The following RCAN1 variants were observed in gnomAD, a reference collection of about 807,000 sequenced individuals.
RCAN1 encodes regulator of calcineurin 1, also known as calcipressin-1.
RCAN1 carries 11 observed loss-of-function variants against 22.9 expected under a neutral mutation model. The ratio of observed to expected loss-of-function variants is 0.48; its 90% CI spans 0.30 to 0.79. The LOEUF (loss-of-function observed/expected upper bound fraction) is 0.79, where lower values mean the gene tolerates loss of function less well. RCAN1 is among the 30% of genes least tolerant of loss of function. The pLI is 0.06. For synonymous variants in RCAN1, 136 were observed against 142.3 expected, an observed-to-expected ratio of 0.96 and a Z score of 0.32; for missense variants, 291 against 337.8, an observed-to-expected ratio of 0.86 and a Z score of 1.09.
intron 1 of RCAN1, among the ~76,000 whole-genome samples, chr21:34,568,759 A>G (rs921394341): frequency 6.6e-6 from 1 of 152,142 alleles, no homozygotes; most frequent in Admixed American, 6.5e-5. Context: ...GTCTGATTTC[A>G]TTTCATCCCT....
At chr21:34,537,272 G>A (rs923703127) in intron 1 of RCAN1, among the ~76,000 whole-genome samples, 1 of 152,250 alleles carries the variant, frequency 6.6e-6, no homozygotes, top group Non-Finnish European at 1.5e-5. Context: ...TGACTAAAAT[G>A]TGGGCACACA....
chr21:34,588,882 T>C (rs777823663), intron 1 of RCAN1, among the ~76,000 whole-genome samples: 1 of 152,204 alleles, frequency 6.6e-6, no homozygotes, highest in Non-Finnish European at 1.5e-5. Context: ...ATGTACAATA[T>C]AGATGAACCT....
chr21:34,548,076 C>T (rs903201382), intron 1 of RCAN1, among the ~76,000 whole-genome samples: 1 of 152,196 alleles, frequency 6.6e-6, no homozygotes, highest in Non-Finnish European at 1.5e-5. Flanking sequence ...GACTTCTCAA[C>T]ATCCAGAACT....
chr21:34,563,518 G>C (rs889095214), intron 1 of RCAN1, among the ~76,000 whole-genome samples: 7 of 151,966 alleles, frequency 4.6e-5, no homozygotes, highest in Non-Finnish European at 8.8e-5. Flanking sequence ...CCAAGGGCAG[G>C]GAAGCATGAA....
At chr21:34,520,343 T>C (rs770249332) in intron 3 of RCAN1, among the ~76,000 whole-genome samples, 6 of 152,120 alleles carry the variant, frequency 3.9e-5, no homozygotes, top group Non-Finnish European at 8.8e-5. Flanking sequence ...AGGGGAAGAC[T>C]CCACACCCTC....
At chr21:34,603,842 T>A (rs1466583670) in intron 1 of RCAN1, among the ~76,000 whole-genome samples, 1 of 152,216 alleles carries the variant, frequency 6.6e-6, no homozygotes, top group African/African-American at 2.4e-5. Flanking sequence ...ATTGTAAGTA[T>A]AATTGATTGT....
chr21:34,540,292 T>A (rs1985854622), intron 1 of RCAN1, among the ~76,000 whole-genome samples: 1 of 152,188 alleles, frequency 6.6e-6, no homozygotes, highest in Admixed American at 6.5e-5. Context: ...AGGCAGTAAG[T>A]CAGTTACAGG....
Position 34,570,977 on chromosome 21 carries a change from A to G in RCAN1, c.252+43783T>C, listed in dbSNP as rs369162713. Among the ~76,000 whole-genome samples the G allele has an allele frequency of 3.3e-5, 5 of 152,178 alleles. No individual in the cohort carries two copies. In the East Asian group the frequency reaches 9.6e-4, roughly 29 times the overall value. On this transcript the variant is annotated intron_variant, in intron 1 of 3. Coordinates refer to ENST00000313806, the MANE Select transcript of RCAN1 (RefSeq NM_004414.7). ...AGAAGAGTAAAAAGGATCTGTTCTT[A>G]GAGGGGAGTTCCTTTATAAACAAAT...
intron 1 of RCAN1, among the ~76,000 whole-genome samples, chr21:34,561,846 C>T (rs997521704): frequency 7.9e-5 from 12 of 152,120 alleles, no homozygotes; most frequent in Non-Finnish European, 1.3e-4. Flanking sequence ...CAGCTGAGGA[C>T]AGCTGGAGCA....
At chr21:34,536,514 A>G (rs1300758444) in intron 1 of RCAN1, among the ~76,000 whole-genome samples, 1 of 152,184 alleles carries the variant, frequency 6.6e-6, no homozygotes, top group East Asian at 1.9e-4. Flanking sequence ...ATTCTCAACA[A>G]GTCAGTCCTT....
chr21:34,541,529 AT>A (rs1463537578), intron 1 of RCAN1, among the ~76,000 whole-genome samples: 1 of 152,212 alleles, frequency 6.6e-6, no homozygotes, highest in African/African-American at 2.4e-5. Context: ...TTTTGAACAA[AT>A]TTGATGGCTT....
At chr21:34,533,773 C>T (rs1985542161) in intron 1 of RCAN1, among the ~76,000 whole-genome samples, 1 of 152,188 alleles carries the variant, frequency 6.6e-6, no homozygotes, top group Admixed American at 6.5e-5. Context: ...CAAGCCCGGC[C>T]AGGGAAGGCA....
At chr21:34,543,025 A>C (rs989625072) in intron 1 of RCAN1, among the ~76,000 whole-genome samples, 1 of 152,234 alleles carries the variant, frequency 6.6e-6, no homozygotes, top group African/African-American at 2.4e-5. Flanking sequence ...TAAAGAGGAT[A>C]ATCACAGGAC....
chr21:34,578,639 AG>A (rs1184212466), intron 1 of RCAN1, among the ~76,000 whole-genome samples: 6 of 152,122 alleles, frequency 3.9e-5, no homozygotes, highest in African/African-American at 1.4e-4. Flanking sequence ...CTGCCCAGGG[AG>A]GAAGAGAGGC....
chr21:34,559,994 G>A (rs1420147701), intron 1 of RCAN1: 1 of 152,146 alleles, frequency 6.6e-6, no homozygotes, highest in South Asian at 2.1e-4. Context: ...ATTACTTAAC[G>A]AGAGCAATGG....
chr21:34,520,235 A>G (rs958396685), intron 3 of RCAN1, among the ~76,000 whole-genome samples: 1 of 152,230 alleles, frequency 6.6e-6, no homozygotes, highest in African/African-American at 2.4e-5. Flanking sequence ...GAAGTGGTAT[A>G]TTCTGGAGTA....
intron 1 of RCAN1, among the ~76,000 whole-genome samples, chr21:34,595,652 G>T (rs1204425343): frequency 2.6e-5 from 4 of 152,182 alleles, no homozygotes; most frequent in Non-Finnish European, 4.4e-5. Context: ...GGAAGGCCAG[G>T]GTCCTTGTCC....
At chr21:34,613,322 C>G (rs906962813) in intron 1 of RCAN1, among the ~76,000 whole-genome samples, 9 of 152,200 alleles carry the variant, frequency 5.9e-5, no homozygotes, top group African/African-American at 1.7e-4. Flanking sequence ...TTGCTTGTTT[C>G]CCTTCCAAAA....
chr21:34,544,012 A>G (rs370729631), intron 1 of RCAN1, among the ~76,000 whole-genome samples: 102 of 152,326 alleles, frequency 6.7e-4, no homozygotes, highest in Middle Eastern at 3.4e-3. Flanking sequence ...CTCATTTGCA[A>G]TTTGGGAACA....
Sources: gnomAD v4.1 joint callset for allele counts (sites outside exome capture counted in the v4.1 genomes callset) on GRCh38, gnomAD v4.1.1 for gene constraint, MANE v1.5 for transcripts, NCBI Gene and HGNC (gene_info 2026-07-23, HGNC 2026-07-21) for gene names.